The following TRPM3 variants were observed in gnomAD, a reference collection of about 807,000 sequenced individuals.
The protein encoded by TRPM3 is long transient receptor potential channel 3.
A neutral mutation model predicts 181.2 loss-of-function variants in TRPM3; 77 were observed. The observed-to-expected ratio is 0.42, with a 90% confidence interval of 0.35 to 0.51. The LOEUF (loss-of-function observed/expected upper bound fraction) is 0.51, where lower values mean the gene tolerates loss of function less well. Among genes scored for constraint, TRPM3 ranks in the 20% least tolerant of loss-of-function variants. The pLI, the probability that TRPM3 is intolerant of heterozygous loss-of-function variation, is 0.01. For synonymous variants in TRPM3, 745 were observed against 796.4 expected (o/e 0.94, Z 1.09); for missense variants, 1,759 against 2,196.7 (o/e 0.80, Z 3.98).
At chr9:70,911,918 C>T (rs549278463) in intron 1 of TRPM3, among the ~76,000 whole-genome samples, 20 of 152,276 alleles carry the variant, frequency 1.3e-4, no homozygotes, top group African/African-American at 4.1e-4. Flanking sequence ...TGTCATTGTC[C>T]GTTCTCTCCT....
intron 6 of TRPM3, among the ~76,000 whole-genome samples, chr9:70,797,476 G>A (rs2087452721): frequency 6.6e-6 from 1 of 152,152 alleles, no homozygotes; most frequent in African/African-American, 2.4e-5. Context: ...CTCCTTTAGT[G>A]TGATATACAA....
intron 9 of TRPM3, among the ~76,000 whole-genome samples, chr9:70,651,001 C>T (rs548867124): frequency 6.6e-6 from 1 of 152,094 alleles, no homozygotes; most frequent in Non-Finnish European, 1.5e-5. Flanking sequence ...AATTTTTCTC[C>T]ACTTTTTATC....
chr9:70,910,876 A>G, intron 1 of TRPM3, among the ~76,000 whole-genome samples: 1 of 152,184 alleles, frequency 6.6e-6, no homozygotes, highest in East Asian at 1.9e-4. Flanking sequence ...TATGGCTTTC[A>G]ACTCTAACCT....
rs889527298 is a variant in TRPM3 at position 71,130,147 on chromosome 9, T to G, written c.184-265636A>C. ...TGAGGAAACTAAAGCACAGAAAGATTAAATACTCAACCAAGTTTACACTGT... is the reference window on the plus strand; with the variant it reads ...TGAGGAAACTAAAGCACAGAAAGATGAAATACTCAACCAAGTTTACACTGT... On this transcript the variant is annotated intron_variant, in intron 1 of 24. Transcript: ENST00000357533. 3.3e-5 allele frequency among the ~76,000 whole-genome samples: 5 copies of G among 152,310 alleles called. No individual in the cohort carries two copies. In the East Asian group the frequency reaches 9.6e-4, roughly 29 times the overall value.
chr9:71,219,325 A>T (rs1283866150), intron 1 of TRPM3, among the ~76,000 whole-genome samples: 1 of 152,186 alleles, frequency 6.6e-6, no homozygotes, highest in African/African-American at 2.4e-5. Flanking sequence ...TGTATGCTTT[A>T]ATCTTTTAAA....
At chr9:71,446,906 C>G (rs1447971897), upstream of TRPM3, 1 of 1,409,334 alleles carries the variant, frequency 7.1e-7, no homozygotes, top group East Asian at 2.8e-5. Context: ...CGCCGCGGGT[C>G]TCCCTCCAGC....
chr9:71,401,116 T>A (rs2093332016), intron 1 of TRPM3, among the ~76,000 whole-genome samples: 1 of 147,150 alleles, frequency 6.8e-6, no homozygotes, highest in Non-Finnish European at 1.5e-5. Context: ...GAAAATCACT[T>A]GAACCTGGGA....
intron 1 of TRPM3, among the ~76,000 whole-genome samples, chr9:71,312,254 GAACA>G (rs1396979201): frequency 3.3e-5 from 5 of 152,016 alleles, no homozygotes; most frequent in African/African-American, 1.2e-4. Flanking sequence ...CAGAAGACAT[GAACA>G]GACAGCTCAC....
intron 1 of TRPM3, among the ~76,000 whole-genome samples, chr9:71,312,402 A>T (rs1321607918): frequency 6.6e-6 from 1 of 152,124 alleles, no homozygotes; most frequent in Non-Finnish European, 1.5e-5. Context: ...ACACCACCAA[A>T]TGCTGACAAG....
At chr9:70,538,159 T>G (rs1190619710) in intron 25 of TRPM3, among the ~76,000 whole-genome samples, 1 of 152,232 alleles carries the variant, frequency 6.6e-6, no homozygotes, top group Non-Finnish European at 1.5e-5. Context: ...TTGGAGTATC[T>G]GTCAATAAGT....
intron 25 of TRPM3, among the ~76,000 whole-genome samples, chr9:70,547,291 A>G (rs1010498497): frequency 6.6e-6 from 1 of 152,184 alleles, no homozygotes; most frequent in Non-Finnish European, 1.5e-5. Context: ...GTGTATATAC[A>G]TACATATACA....
At chr9:70,780,787 T>C (rs958227514) in intron 7 of TRPM3, among the ~76,000 whole-genome samples, 1 of 152,176 alleles carries the variant, frequency 6.6e-6, no homozygotes, top group Non-Finnish European at 1.5e-5. Flanking sequence ...AAACTTCTCT[T>C]TAGACTTCTA....
chr9:70,603,567 A>T (rs911876166), intron 19 of TRPM3, 97 bp from the exon 20 acceptor site: 25 of 1,356,510 alleles, frequency 1.8e-5, no homozygotes, highest in Non-Finnish European at 2.2e-5. Context: ...AGGGTCAGCA[A>T]GCAGGACACA....
chr9:71,322,717 A>C lies in TRPM3; in HGVS notation c.183+123936T>G, dbSNP rs1012306167. 2.6e-5 allele frequency among the ~76,000 whole-genome samples: 4 copies of C among 152,178 alleles called. No individual in the cohort carries two copies. In the South Asian group the frequency reaches 8.3e-4, roughly 31 times the overall value. ...GAATTTCATGAAAAAAGCATCATAT[A>C]AACTAGTTGATATTTTTGGTTGATC... On this transcript the variant is annotated intron_variant, in intron 1 of 24. Transcript: ENST00000357533.
intron 1 of TRPM3, among the ~76,000 whole-genome samples, chr9:71,026,740 T>C (rs888052761): frequency 1.3e-5 from 2 of 152,170 alleles, no homozygotes; most frequent in Admixed American, 6.5e-5. Context: ...TGGACTCCCC[T>C]GCACCCTAAG....
intron 5 of TRPM3, among the ~76,000 whole-genome samples, chr9:70,838,705 G>A (rs1461733122): frequency 2.0e-5 from 3 of 152,090 alleles, no homozygotes; most frequent in Non-Finnish European, 1.5e-5. Flanking sequence ...GAAATAATAT[G>A]GAGAAACCAC....
At chr9:71,320,354 G>A (rs1026230728) in intron 1 of TRPM3, among the ~76,000 whole-genome samples, 1 of 151,884 alleles carries the variant, frequency 6.6e-6, no homozygotes, top group African/African-American at 2.4e-5. Flanking sequence ...TACATGGTCT[G>A]AACACTGAGC....
rs939011819 is a variant in TRPM3 at position 71,067,778 on chromosome 9, G to T, written c.177+53400C>A. On this transcript the variant is annotated intron_variant, in intron 1 of 25. Transcript: ENST00000677713. Reference sequence around the variant, plus strand: ...AGGGCTCTTACTTGGTCACCTTCATGTACTATTTTTAAAGTCCTCGGAGAT... The same window carrying T: ...AGGGCTCTTACTTGGTCACCTTCATTTACTATTTTTAAAGTCCTCGGAGAT... 3.9e-5 allele frequency among the ~76,000 whole-genome samples: 6 copies of T among 152,118 alleles called. No individual in the cohort carries two copies. The East Asian group carries it at 1.2e-3, about 29-fold the overall frequency.
intron 1 of TRPM3, among the ~76,000 whole-genome samples, chr9:71,055,677 C>G (rs2060581415): frequency 6.6e-6 from 1 of 151,944 alleles, no homozygotes; most frequent in Non-Finnish European, 1.5e-5. Flanking sequence ...GACAGAAGTC[C>G]TAAGAGTTCA....
Sources: gnomAD v4.1 joint callset for allele counts (sites outside exome capture counted in the v4.1 genomes callset) on GRCh38, gnomAD v4.1.1 for gene constraint, MANE v1.5 for transcripts, NCBI Gene and HGNC (gene_info 2026-07-23, HGNC 2026-07-21) for gene names.